STIL: variants seen among roughly 807,000 people sequenced by gnomAD.
STIL encodes the protein STIL centriolar assembly protein, also known as SCL-interrupting locus protein.
In STIL, 55 loss-of-function variants were observed where a neutral mutation model predicts 110.1. That is an observed-to-expected ratio of 0.50 (90% CI 0.40 to 0.63). STIL has a LOEUF of 0.63. Among genes scored for constraint, STIL ranks in the 20% least tolerant of loss-of-function variants. The pLI is 0.00. For synonymous variants in STIL, 481 were observed against 530.0 expected (o/e 0.91, Z 1.27); for missense variants, 1,358 against 1,530.0 (o/e 0.89, Z 1.87).
In STIL at chr1:47,280,699, G is replaced by A; in HGVS notation, c.1759C>T (p.Leu587Phe). The change falls in exon 12 of 17, where the codon CTT becomes TTT. Residue 587 changes from leucine to phenylalanine, a missense_variant. Transcript: ENST00000371877. ...GGCAGTGGGGGAGTAGGTATCTGAA[G>A]TTCCATTGGTCTTCCTGAATTATGG... ...SPHNSGRPME[L>F]QIPTPPLPSY... 1.2e-6 allele frequency: 2 copies of A among 1,614,230 alleles called. No homozygotes were observed. Among genetic ancestry groups the A allele is most frequent in the Non-Finnish European group, 1.7e-6 (2 of 1,180,048 alleles).
chr1:47,304,622 A>G (rs529495123), intron 3 of STIL, among the ~76,000 whole-genome samples: 4 of 152,344 alleles, frequency 2.6e-5, no homozygotes, highest in South Asian at 4.1e-4. Context: ...GACATAATAA[A>G]AAACACTTTC....
intron 6 of STIL, among the ~76,000 whole-genome samples, chr1:47,298,070 A>C (rs1039587617): frequency 6.6e-6 from 1 of 152,224 alleles, no homozygotes; most frequent in African/African-American, 2.4e-5. Flanking sequence ...TGATTTTGGA[A>C]TATACCAATT....
intron 1 of STIL, among the ~76,000 whole-genome samples, 167 bp from the exon 2 acceptor site, chr1:47,310,529 T>TA (rs1054235494): frequency 3.3e-5 from 5 of 152,230 alleles, no homozygotes; most frequent in Non-Finnish European, 5.9e-5. Flanking sequence ...TTTCATACGT[T>TA]AGAGTCATTC....
chr1:47,305,877 G>A (rs973591038), intron 2 of STIL, among the ~76,000 whole-genome samples: 4 of 151,582 alleles, frequency 2.6e-5, no homozygotes, highest in Non-Finnish European at 5.9e-5. Flanking sequence ...GATTACAGGC[G>A]CCTGCCACCA....
chr1:47,298,894 C>T (rs1010893603), intron 6 of STIL, among the ~76,000 whole-genome samples: 2 of 152,106 alleles, frequency 1.3e-5, no homozygotes, highest in East Asian at 3.9e-4. Flanking sequence ...CAGGCACGTG[C>T]CACCATGCCC....
At position 47,250,979 on chromosome 1, in the gene STIL, C is replaced by T. The variant is rs1165980909; in HGVS notation, c.*157G>A. 2 of 661,592 alleles carry T rather than the reference C, an allele frequency of 3.0e-6. No homozygotes were observed. Among genetic ancestry groups the T allele is most frequent in the Admixed American group, 6.1e-5 (2 of 32,580 alleles). 41.0% of individuals were successfully genotyped at this position (661,592 alleles called of 1,614,324 possible). On this transcript the variant is annotated 3_prime_UTR_variant, in exon 17 of 17. Coordinates refer to ENST00000371877, the MANE Select transcript of STIL (RefSeq NM_001048166.1). ...AACAATGAGAACTTAGTCCTATCAC[C>T]AGCCAGCCATCTCACAGAAGTCACT...
At chr1:47,309,468 C>A (rs368718210) in intron 2 of STIL, among the ~76,000 whole-genome samples, 61 of 152,092 alleles carry the variant, frequency 4.0e-4, no homozygotes, top group Admixed American at 1.6e-3. Context: ...GGGGGTAGAA[C>A]ACAAGGGCCA....
At chr1:47,277,480 C>T (rs61782708) in intron 12 of STIL, among the ~76,000 whole-genome samples, 15,224 of 151,718 alleles carry the variant, frequency 0.1, 1,070 homozygotes, top group Non-Finnish European at 0.15. Flanking sequence ...GGAAAACAAA[C>T]AAACAACGAC....
intron 3 of STIL, 75 bp downstream of exon 3, chr1:47,304,814 T>C: frequency 1.8e-6 from 2 of 1,119,286 alleles, no homozygotes; most frequent in Non-Finnish European, 2.7e-6. Flanking sequence ...GTCATAGTAA[T>C]CAACTTTGCC....
chr1:47,279,745 A>C (rs992025801), intron 12 of STIL, among the ~76,000 whole-genome samples: 2 of 149,104 alleles, frequency 1.3e-5, no homozygotes, highest in Non-Finnish European at 3.0e-5. Context: ...AAAAAAAAAA[A>C]CAACAAAAAA....
chr1:47,302,601 T>C (rs1020803957), intron 3 of STIL, among the ~76,000 whole-genome samples: 1 of 152,218 alleles, frequency 6.6e-6, no homozygotes, highest in Non-Finnish European at 1.5e-5. Flanking sequence ...GTAGGTCTCC[T>C]GTTTTTGTAA....
At chr1:47,301,053 G>A (rs1031192950) in intron 5 of STIL, among the ~76,000 whole-genome samples, 15 of 152,078 alleles carry the variant, frequency 9.9e-5, no homozygotes, top group African/African-American at 3.6e-4. Flanking sequence ...ATTTCTACAT[G>A]GCCCATATGA....
At chr1:47,299,116 G>A (rs140100321) in intron 6 of STIL, among the ~76,000 whole-genome samples, 9,633 of 151,146 alleles carry the variant, frequency 0.064, 424 homozygotes, top group Middle Eastern at 0.15. Flanking sequence ...GGGAGGCTGA[G>A]GCAGGAGGAT....
chr1:47,283,825 T>C (rs958034745), intron 10 of STIL: 11 of 152,118 alleles, frequency 7.2e-5, no homozygotes, highest in African/African-American at 2.2e-4. Context: ...TTAATATCTG[T>C]TTTGTACTTA....
At chr1:47,265,804 A>AT in intron 14 of STIL, among the ~76,000 whole-genome samples, 1 of 150,956 alleles carries the variant, frequency 6.6e-6, no homozygotes, top group South Asian at 2.1e-4. Context: ...AAAAAAAAAA[A>AT]AAGAAACAGT....
Position 47,251,304 on chromosome 1 carries a change from G to A in STIL, c.3699C>T (p.Thr1233=), listed in dbSNP as rs763127279. 48 of 1,613,816 alleles carry A rather than the reference G, an allele frequency of 3.0e-5. No individual in the cohort carries two copies. The highest frequency in any genetic ancestry group is 1.1e-4 in the East Asian group (5 of 44,882). The stretch of plus-strand genomic sequence containing the variant: ...GATGTTGAGTGAACTCTGCTTTCCC[G>A]GTTCGAAGGTTCACTGCAGGACTTG... ...LKPSPAVNLR[T]GKAEFTQHPE... The change falls in exon 17 of 17, where the codon ACC becomes ACT. Residue 1233 remains threonine (T), a synonymous_variant. Transcript: ENST00000371877.
In STIL at chr1:47,280,627, G is replaced by C; in HGVS notation, c.1831C>G (p.His611Asp). 1 of 1,614,200 alleles carries C rather than the reference G, an allele frequency of 6.2e-7. No individual in the cohort carries two copies. Among genetic ancestry groups the C allele is most frequent in the Non-Finnish European group, 8.5e-7 (1 of 1,180,040 alleles). Reference protein sequence around the residue: ...NVCRCCQHHSHIQYSPLNSWQ... With the variant: ...NVCRCCQHHSDIQYSPLNSWQ... ...GAATTTAGCGGACTATATTGAATATGACTATGATGCTGACAACACCTGCAA... is the reference window on the plus strand; with the variant it reads ...GAATTTAGCGGACTATATTGAATATCACTATGATGCTGACAACACCTGCAA... Residue 611 changes from histidine to aspartate, a missense_variant, in exon 12 of 17, where the codon CAT becomes GAT. Physicochemically the swap from His to Asp is moderately conservative, Grantham distance 81. Coordinates refer to ENST00000371877, the MANE Select transcript of STIL (RefSeq NM_001048166.1).
At position 47,288,418 on chromosome 1, in the gene STIL, T is replaced by C. The variant is rs191638443; in HGVS notation, c.1024-758A>G. Among the ~76,000 whole-genome samples the C allele has an allele frequency of 1.8e-3, 271 of 152,136 alleles. 1 individual carries two copies. Among genetic ancestry groups the C allele is most frequent in the Non-Finnish European group, 3.3e-3 (226 of 67,984 alleles). ...TTCAAGTGATTCTCCTGCCTCAGTCTCCCAAGTAGCTAGGATTACAGGCAC... is the reference window on the plus strand; with the variant it reads ...TTCAAGTGATTCTCCTGCCTCAGTCCCCCAAGTAGCTAGGATTACAGGCAC... On this transcript the variant is annotated intron_variant, in intron 9 of 16. Transcript: ENST00000371877.
intron 11 of STIL, among the ~76,000 whole-genome samples, chr1:47,281,961 A>G (rs1645167028): frequency 6.6e-6 from 1 of 152,096 alleles, no homozygotes; most frequent in Non-Finnish European, 1.5e-5. Context: ...GATAGTATAT[A>G]ATGTTGAGTC....
Sources: gnomAD v4.1 joint callset for allele counts (sites outside exome capture counted in the v4.1 genomes callset) on GRCh38, gnomAD v4.1.1 for gene constraint, MANE v1.5 for transcripts, NCBI Gene and HGNC (gene_info 2026-07-23, HGNC 2026-07-21) for gene names.